ZNF211: variants seen among roughly 807,000 people sequenced by gnomAD.
The protein encoded by ZNF211 is zinc finger protein C2H2-25.
A neutral mutation model predicts 12.1 loss-of-function variants in ZNF211; 18 were observed. That is an observed-to-expected ratio of 1.48 (90% CI 1.03 to 2.20). The LOEUF is 2.20. ZNF211 is among the 30% of genes most tolerant of loss of function. The pLI, the probability that ZNF211 is intolerant of heterozygous loss-of-function variation, is 0.00. For missense variants in ZNF211, 677 were observed against 703.1 expected (o/e 0.96, Z 0.42); for synonymous variants, 249 against 246.0 (o/e 1.01, Z -0.11).
At position 57,641,967 on chromosome 19, in the gene ZNF211, C is replaced by G; in HGVS notation, c.1520C>G (p.Ser507Cys). 6.2e-7 allele frequency: 1 copy of G among 1,613,944 alleles called. No homozygotes were observed. The highest frequency in any genetic ancestry group is 8.5e-7 in the Non-Finnish European group (1 of 1,179,964). Residue 507 changes from serine (S) to cysteine (C), a missense_variant, in exon 4 of 4, where the codon TCT becomes TGT. Ser to Cys is a moderately radical substitution (Grantham distance 112, BLOSUM62 -1). Transcript: ENST00000240731. Reference sequence around the variant, plus strand: ...TGTAGCAAATCCTTTAGCTGTAAATCTAACCTCATTAAACACCTGAGAGTT... The same window carrying G: ...TGTAGCAAATCCTTTAGCTGTAAATGTAACCTCATTAAACACCTGAGAGTT... The part of the protein sequence containing the change: ...SECSKSFSCK[S>C]NLIKHLRVHT...
At chr19:57,634,404 C>A in intron 2 of ZNF211, 1 of 502,484 alleles carries the variant, frequency 2.0e-6, no homozygotes, top group Non-Finnish European at 3.3e-6. Flanking sequence ...AGTTTGGGAT[C>A]AGAGGAGGGA....
In ZNF211 at chr19:57,641,130, G is replaced by GT; in HGVS notation, c.684dup (p.Asn229Ter). 3 of 1,614,188 alleles carry GT rather than the reference G, an allele frequency of 1.9e-6. No individual in the cohort carries two copies. The highest frequency in any genetic ancestry group is 8.5e-7 in the Non-Finnish European group (1 of 1,180,022). ...CAAACAGGGGAGAAGCCAAATAACA[G>GT]TAACAAGTGTGCGGTGGCCTTTTAC... On this transcript the variant is annotated frameshift_variant, in exon 4 of 4. Coordinates refer to ENST00000240731, the MANE Select transcript of ZNF211 (RefSeq NM_006385.5). LOFTEE classifies it low-confidence loss of function (END_TRUNC).
In ZNF211 at chr19:57,640,636, A is replaced by G. The variant is rs575195261; in HGVS notation, c.257-68A>G. 11 of 1,559,864 alleles carry G rather than the reference A, an allele frequency of 7.1e-6. No homozygotes were observed. The African/African-American group carries it at 1.1e-4, about 15-fold the overall frequency. ...TGGTTCTTTGCTGTAACTGATGTGC[A>G]TTTGCAATTGCATTGTCTCCTCCTA... On this transcript the variant is annotated intron_variant, in intron 3 of 3. Transcript: ENST00000240731.
At position 57,642,140 on chromosome 19, in the gene ZNF211, C is replaced by T; in HGVS notation, c.1693C>T (p.Leu565Phe). The change falls in exon 4 of 4, where the codon CTC becomes TTC. Residue 565 changes from leucine to phenylalanine, a missense_variant. Leu to Phe is a conservative substitution (Grantham distance 22, BLOSUM62 0). Transcript: ENST00000240731. ...GAAATCCTTTGGCTGCAAATCTGTC[C>T]TCATTCAACACCAGAGAGTTCACAT... ...CGKSFGCKSVLIQHQRVHIGE... is the reference protein window; with the variant it reads ...CGKSFGCKSVFIQHQRVHIGE... The T allele has an allele frequency of 1.9e-6, 3 of 1,613,406 alleles. No homozygotes were observed. In the East Asian group the frequency reaches 6.7e-5, roughly 36 times the overall value.
chr19:57,639,819 A>G (rs1982643238), intron 3 of ZNF211: 2 of 1,310,928 alleles, frequency 1.5e-6, no homozygotes, highest in Non-Finnish European at 2.0e-6. Context: ...TTGAATTTAT[A>G]CAAACTTAAC....
rs1413124982 is a variant in ZNF211, at chr19:57,642,382, C to G, written c.*201C>G. On this transcript the variant is annotated 3_prime_UTR_variant, in exon 4 of 4. Transcript: ENST00000240731. ...ACTTTCTCACCTGCCATTTATGGCT[C>G]TTGCCGTTTATGTCACTGACAGTTT... 5 of 594,842 alleles carry G rather than the reference C, an allele frequency of 8.4e-6. No individual in the cohort carries two copies. Among genetic ancestry groups the G allele is most frequent in the African/African-American group, 5.5e-5 (3 of 54,192 alleles). 36.8% of individuals were successfully genotyped at this position (594,842 alleles called of 1,614,324 possible). A position where few individuals can be genotyped will look rare whatever the true frequency, so the allele number is the denominator to read the frequency against.
Position 57,633,176 on chromosome 19 carries a change from A to C in ZNF211, c.-171A>C. On this transcript the variant is annotated 5_prime_UTR_variant, in exon 1 of 4. Transcript: ENST00000240731. ...CTACCCCCGCCCCCCCCAGGGCGGG[A>C]CTTGTGGCGTCTTCGCAGCGGTCAT... is the stretch of plus-strand genomic sequence containing the variant. The C allele has an allele frequency of 1.7e-6, 1 of 584,834 alleles. No individual in the cohort carries two copies. Among genetic ancestry groups the C allele is most frequent in the Non-Finnish European group, 2.9e-6 (1 of 350,750 alleles). The allele number at this position is 584,834 out of a possible 1,614,324, so 36.2% of individuals were successfully genotyped here.
chr19:57,635,624 T>C (rs2122174495), intron 3 of ZNF211, among the ~76,000 whole-genome samples: 1 of 152,360 alleles, frequency 6.6e-6, no homozygotes, highest in South Asian at 2.1e-4. Flanking sequence ...ACAGTTTGTT[T>C]ATCCATTCCT....
chr19:57,640,547 GCACAACAGCTGCTTC>G (rs1181669974), intron 3 of ZNF211, among the ~76,000 whole-genome samples, 142 bp from the exon 4 acceptor site: 1 of 152,208 alleles, frequency 6.6e-6, no homozygotes, highest in Non-Finnish European at 1.5e-5. Context: ...GACAAGTAAT[GCACAACAGCTGCTTC>G]CTCAACCTGA....
In ZNF211 at chr19:57,643,852, CTTTT is replaced by C. The variant is rs1200748017; in HGVS notation, c.*1675_*1678del. On this transcript the variant is annotated 3_prime_UTR_variant, in exon 4 of 4. Transcript: ENST00000240731. ...ATATATGATTTTATTAATAAAATGT[CTTTT>C]TTTCCAGTTTCATTCATGATGCATA... Among the ~76,000 whole-genome samples the C allele has an allele frequency of 3.3e-5, 5 of 151,992 alleles. No homozygotes were observed. Among genetic ancestry groups the C allele is most frequent in the African/African-American group, 1.2e-4 (5 of 41,378 alleles).
Position 57,641,371 on chromosome 19 carries a change from C to T in ZNF211, c.924C>T (p.Thr308=), listed in dbSNP as rs1475136514. 2 of 1,614,174 alleles carry T rather than the reference C, an allele frequency of 1.2e-6. No homozygotes were observed. Among genetic ancestry groups the T allele is most frequent in the Non-Finnish European group, 8.5e-7 (1 of 1,180,022 alleles). Residue 308 remains threonine (T), a synonymous_variant, in exon 4 of 4, where the codon ACC becomes ACT. Coordinates refer to ENST00000240731, the MANE Select transcript of ZNF211 (RefSeq NM_006385.5). The part of the protein sequence containing the change: ...YECNECGKFF[T]YYSSFIIHQR... ...GCAATGAATGTGGAAAATTCTTTAC[C>T]TACTACTCCAGTTTCATTATACATC...
rs1981643440 is a variant in ZNF211, at chr19:57,633,239, C to T, written c.-108C>T. 1 of 1,148,352 alleles carries T rather than the reference C, an allele frequency of 8.7e-7. No individual in the cohort carries two copies. The highest frequency in any genetic ancestry group is 1.6e-5 in the African/African-American group (1 of 62,536). 71.1% of individuals were successfully genotyped at this position (1,148,352 alleles called of 1,614,324 possible). On this transcript the variant is annotated 5_prime_UTR_variant, in exon 1 of 4. Transcript: ENST00000240731. ...CCCGGAGGTCCGTTCTGTCTGTCAGCCGCTTTGGTACGCTGCATCGGGATC... is the reference window on the plus strand; with the variant it reads ...CCCGGAGGTCCGTTCTGTCTGTCAGTCGCTTTGGTACGCTGCATCGGGATC...
At chr19:57,633,714 G>A in intron 1 of ZNF211, 1 of 1,533,414 alleles carries the variant, frequency 6.5e-7, no homozygotes, top group Non-Finnish European at 8.7e-7. Flanking sequence ...TATTCTTAGG[G>A]CCGTGGGAGC....
At chr19:57,639,813 AT>A (rs1982642533) in intron 3 of ZNF211, 2 of 1,288,422 alleles carry the variant, frequency 1.6e-6, no homozygotes, top group Non-Finnish European at 2.1e-6. Context: ...TCTAACTTGA[AT>A]TTATACAAAC....
At chr19:57,633,518 A>G in intron 1 of ZNF211, 82 bp downstream of exon 1, 2 of 1,507,548 alleles carry the variant, frequency 1.3e-6, no homozygotes, top group African/African-American at 1.4e-5. Context: ...TCTCTGTAGC[A>G]CAGGGTCGGG....
rs754692928 is a variant in ZNF211 at position 57,641,351 on chromosome 19, G to C, written c.904G>C (p.Glu302Gln). ...HSEERPYECN[E>Q]CGKFFTYYSS... ...TGAAGAAAGGCCTTATGAATGCAAT[G>C]AATGTGGAAAATTCTTTACCTACTA... Residue 302 changes from glutamate to glutamine, a missense_variant, in exon 4 of 4, where the codon GAA becomes CAA. By Grantham distance (29) the Glu-to-Gln change is conservative. Coordinates refer to ENST00000240731, the MANE Select transcript of ZNF211 (RefSeq NM_006385.5). 2.5e-6 allele frequency: 4 copies of C among 1,614,188 alleles called. No homozygotes were observed. The highest frequency in any genetic ancestry group is 2.5e-6 in the Non-Finnish European group (3 of 1,180,040).
At position 57,634,744 on chromosome 19, in the gene ZNF211, C is replaced by G; in HGVS notation, c.245C>G (p.Thr82Arg). ...GTGATGCTGGAGAACTTTGCACTTACGTCCTCCCTGGGTAAGGCCCTCATA... is the reference window on the plus strand; with the variant it reads ...GTGATGCTGGAGAACTTTGCACTTAGGTCCTCCCTGGGTAAGGCCCTCATA... ...FDVMLENFAL[T>R]SSLGCWCGVE... The change falls in exon 3 of 4, where the codon ACG becomes AGG. Residue 82 changes from threonine to arginine, a missense_variant. By Grantham distance (71) the Thr-to-Arg change is moderately conservative. Transcript: ENST00000240731. 2 of 1,598,082 alleles carry G rather than the reference C, an allele frequency of 1.3e-6. No homozygotes were observed. Among genetic ancestry groups the G allele is most frequent in the African/African-American group, 2.7e-5 (2 of 74,368 alleles).
chr19:57,635,607 A>G (rs941241829), intron 3 of ZNF211, among the ~76,000 whole-genome samples: 1 of 152,168 alleles, frequency 6.6e-6, no homozygotes, highest in Non-Finnish European at 1.5e-5. Flanking sequence ...ATTCTTTTGT[A>G]TGTATTACAG....
Position 57,633,278 on chromosome 19 carries a change from G to C in ZNF211, c.-69G>C. On this transcript the variant is annotated 5_prime_UTR_variant, in exon 1 of 4. Coordinates refer to ENST00000240731, the MANE Select transcript of ZNF211 (RefSeq NM_006385.5). ...TGCATCGGGATCGAAGTGACGGACC[G>C]TGAAGGCGCGAGAGTCAGGTCTGAG... is the stretch of plus-strand genomic sequence containing the variant. 4 of 1,394,562 alleles carry C rather than the reference G, an allele frequency of 2.9e-6. No homozygotes were observed. Among genetic ancestry groups the C allele is most frequent in the Non-Finnish European group, 3.8e-6 (4 of 1,048,734 alleles). The allele number at this position is 1,394,562 out of a possible 1,614,324, so 86.4% of individuals were successfully genotyped here.
Sources: gnomAD v4.1 joint callset for allele counts (sites outside exome capture counted in the v4.1 genomes callset) on GRCh38, gnomAD v4.1.1 for gene constraint, MANE v1.5 for transcripts, NCBI Gene and HGNC (gene_info 2026-07-23, HGNC 2026-07-21) for gene names.